The following NPFFR1 variants were observed in gnomAD, a reference collection of about 807,000 sequenced individuals.
NPFFR1 encodes the protein neuropeptide FF receptor 1.
A neutral mutation model predicts 12.7 loss-of-function variants in NPFFR1; 17 were observed. That is an observed-to-expected ratio of 1.34 (90% CI 0.92 to 2.01). The LOEUF (loss-of-function observed/expected upper bound fraction) is 2.01. NPFFR1 is among the 30% of genes most tolerant of loss of function. The probability of loss-of-function intolerance (pLI) is 0.00; values close to 1 mark genes in which losing one functional copy is unlikely to be tolerated. For synonymous variants in NPFFR1, 296 were observed against 264.5 expected, an observed-to-expected ratio of 1.12 and a Z score of -1.16; for missense variants, 604 against 606.5, an observed-to-expected ratio of 1.00 and a Z score of 0.04.
intron 1 of NPFFR1, among the ~76,000 whole-genome samples, chr10:70,272,150 A>C (rs1564596638): frequency 3.3e-5 from 1 of 30,096 alleles, no homozygotes; most frequent in Non-Finnish European, 6.1e-5. Flanking sequence ...AGAGAAAGGG[A>C]GAGAGAGAGA....
intron 1 of NPFFR1, among the ~76,000 whole-genome samples, chr10:70,275,920 A>G (rs761553019): frequency 1.3e-5 from 2 of 152,214 alleles, no homozygotes; most frequent in Non-Finnish European, 2.9e-5. Flanking sequence ...TACAGCATGC[A>G]GTAGTGGTAG....
intron 3 of NPFFR1, among the ~76,000 whole-genome samples, chr10:70,259,311 G>A (rs1018303887): frequency 1.3e-5 from 2 of 151,070 alleles, no homozygotes; most frequent in East Asian, 1.9e-4. Flanking sequence ...AAGAAAGAAA[G>A]AAAGAAAAAG....
chr10:70,277,937 A>G (rs777363203), intron 1 of NPFFR1: 2 of 519,640 alleles, frequency 3.8e-6, no homozygotes, highest in East Asian at 1.1e-4. Context: ...ATGTTGGGGA[A>G]GACTTCTGGG....
chr10:70,282,659 C>A (rs1048228873), intron 1 of NPFFR1, among the ~76,000 whole-genome samples: 1 of 152,198 alleles, frequency 6.6e-6, no homozygotes, highest in African/African-American at 2.4e-5. Flanking sequence ...TTTATCCTCA[C>A]AGACACTCTC....
At chr10:70,256,088 T>TC (rs1156445911) in intron 3 of NPFFR1, among the ~76,000 whole-genome samples, 62 of 126,596 alleles carry the variant, frequency 4.9e-4, no homozygotes, top group Admixed American at 6.6e-4. Context: ...TTTTTTTTTT[T>TC]CCTGAGACAG....
rs1422077899 is a variant in NPFFR1 at position 70,255,275 on chromosome 10, G to T, written c.975C>A (p.Asn325Lys). ...HWLAFFNSSA[N>K]PIIYGYFNEN... ...CGTTGAAGTAGCCGTAGATGATGGGGTTGGCGCTGCTGTTGAAGAAGGCCA... is the reference window on the plus strand; with the variant it reads ...CGTTGAAGTAGCCGTAGATGATGGGTTTGGCGCTGCTGTTGAAGAAGGCCA... Residue 325 changes from asparagine to lysine, a missense_variant, in exon 4 of 4, where the codon AAC becomes AAA. By Grantham distance (94) the Asn-to-Lys change is moderately conservative. Coordinates refer to ENST00000277942, the MANE Select transcript of NPFFR1 (RefSeq NM_022146.5). The surrounding 1 kb of genome is among the most constrained non-coding windows in gnomAD (Gnocchi z 4.2). The T allele has an allele frequency of 1.3e-6, 2 of 1,578,490 alleles. No homozygotes were observed. Among genetic ancestry groups the T allele is most frequent in the South Asian group, 1.1e-5 (1 of 86,984 alleles).
At chr10:70,274,100 G>C (rs1186708575) in intron 1 of NPFFR1, among the ~76,000 whole-genome samples, 1 of 152,198 alleles carries the variant, frequency 6.6e-6, no homozygotes, top group African/African-American at 2.4e-5. Flanking sequence ...ACTGACCTGG[G>C]AATCAGAAAG....
At chr10:70,260,601 T>C (rs1330405834) in intron 3 of NPFFR1, 39 bp downstream of exon 3, 1 of 1,530,122 alleles carries the variant, frequency 6.5e-7, no homozygotes, top group East Asian at 2.4e-5. Flanking sequence ...TGCCAGGCCC[T>C]AGTTGGCTCA....
intron 1 of NPFFR1, among the ~76,000 whole-genome samples, chr10:70,283,207 TTCTCTCTCTCTCTCACTC>T (rs1197323145): frequency 1.8e-5 from 2 of 112,626 alleles, no homozygotes. Context: ...CCCCAGGTCT[TTCTCTCTCTCTCTCACTC>T]TCTCTCTCTC....
rs369970357 is a variant in NPFFR1 at position 70,271,527 on chromosome 10, AAAT to A, written c.8-5139_8-5137del. Among the ~76,000 whole-genome samples, 639 of 152,250 alleles carry A rather than the reference AAAT, an allele frequency of 4.2e-3. 4 individuals carry two copies. Among genetic ancestry groups the A allele is most frequent in the African/African-American group, 0.015 (605 of 41,554 alleles). ...GACTCTTTCTCAAATAAAAAATAAA[AAAT>A]AATTAAAAAATAGAAAATAAAACAG... On this transcript the variant is annotated intron_variant, in intron 1 of 3. Transcript: ENST00000277942.
Position 70,255,386 on chromosome 10 carries a change from C to A in NPFFR1, c.864G>T (p.Ala288=), listed in dbSNP as rs777182156. ...GCCCGTAGTCGATGAGCAGCAGCAG[C>A]GCCCAGAGCGGCAGCCAGGACAGCG... The part of the protein sequence containing the change: ...FFTLSWLPLW[A]LLLLIDYGQL... Residue 288 remains alanine (A), a synonymous_variant, in exon 4 of 4, where the codon GCG becomes GCT. Coordinates refer to ENST00000277942, the MANE Select transcript of NPFFR1 (RefSeq NM_022146.5). The surrounding 1 kb of genome is among the most constrained non-coding windows in gnomAD (Gnocchi z 4.2). The A allele has an allele frequency of 7.7e-6, 12 of 1,548,620 alleles. No individual in the cohort carries two copies. Among genetic ancestry groups the A allele is most frequent in the Non-Finnish European group, 9.6e-6 (11 of 1,149,624 alleles).
rs1239622962 is a variant in NPFFR1, at chr10:70,253,116, G to A, written c.*1841C>T. On this transcript the variant is annotated 3_prime_UTR_variant, in exon 4 of 4. Coordinates refer to ENST00000277942, the MANE Select transcript of NPFFR1 (RefSeq NM_022146.5). Reference sequence around the variant, plus strand: ...ATGGCACCAGCTAATACCACTGAGGGGCAGGAGGGCATACTCTCTCTCAGA... The same window carrying A: ...ATGGCACCAGCTAATACCACTGAGGAGCAGGAGGGCATACTCTCTCTCAGA... The A allele has an allele frequency of 6.6e-6, 1 of 152,122 alleles. No individual in the cohort carries two copies. Among genetic ancestry groups the A allele is most frequent in the Non-Finnish European group, 1.5e-5 (1 of 68,094 alleles). 9.4% of individuals were successfully genotyped at this position (152,122 alleles called of 1,614,324 possible).
chr10:70,270,558 C>T (rs1175307602), intron 1 of NPFFR1, among the ~76,000 whole-genome samples: 1 of 152,212 alleles, frequency 6.6e-6, no homozygotes, highest in African/African-American at 2.4e-5. Flanking sequence ...CTGGGAGTGA[C>T]CCTGCCCATT....
chr10:70,283,153 T>TGC, intron 1 of NPFFR1, among the ~76,000 whole-genome samples: 1 of 151,778 alleles, frequency 6.6e-6, no homozygotes, highest in East Asian at 2.0e-4. Context: ...TGTGTGTGTG[T>TGC]CTTGTACATG....
rs1379112676 is a variant in NPFFR1 at position 70,249,807 on chromosome 10, T to G, written c.*5150A>C. ...CAAAATCATGTTTTTAAAAGAAAGATTTGAAGATACTTTACAATAAAAGAT... is the reference window on the plus strand; with the variant it reads ...CAAAATCATGTTTTTAAAAGAAAGAGTTGAAGATACTTTACAATAAAAGAT... On this transcript the variant is annotated 3_prime_UTR_variant, in exon 4 of 4. Transcript: ENST00000277942. 6.6e-6 allele frequency: 1 copy of G among 151,626 alleles called. No individual in the cohort carries two copies. The highest frequency in any genetic ancestry group is 1.5e-5 in the Non-Finnish European group (1 of 67,950). 9.4% of individuals were successfully genotyped at this position (151,626 alleles called of 1,614,324 possible). A position where few individuals can be genotyped will look rare whatever the true frequency, so the allele number is the denominator to read the frequency against.
chr10:70,273,452 T>C (rs1031261449), intron 1 of NPFFR1, among the ~76,000 whole-genome samples: 1 of 152,218 alleles, frequency 6.6e-6, no homozygotes, highest in Non-Finnish European at 1.5e-5. Flanking sequence ...CAATGGTTCC[T>C]GTCTGGAGGA....
Position 70,283,655 on chromosome 10 carries a change from C to A in NPFFR1, c.7+15G>T, listed in dbSNP as rs1589918387. On this transcript the variant is annotated intron_variant, in intron 1 of 3. Transcript: ENST00000277942. ...CCCTGCCCCACGGCTGGCCCCCAGCCCCAGGACCACTCACCCTCCATGATG... is the reference window on the plus strand; with the variant it reads ...CCCTGCCCCACGGCTGGCCCCCAGCACCAGGACCACTCACCCTCCATGATG... The A allele has an allele frequency of 3.3e-6, 5 of 1,535,268 alleles. No homozygotes were observed. The highest frequency in any genetic ancestry group is 4.4e-6 in the Non-Finnish European group (5 of 1,146,290).
intron 1 of NPFFR1, among the ~76,000 whole-genome samples, chr10:70,271,269 T>G (rs1366852428): frequency 6.6e-6 from 1 of 152,134 alleles, no homozygotes; most frequent in Non-Finnish European, 1.5e-5. Flanking sequence ...TCACAGTACT[T>G]TGGGAGGCCA....
In NPFFR1 at chr10:70,266,188, T is replaced by C. The variant is rs1287065455; in HGVS notation, c.211A>G (p.Asn71Asp). The change falls in exon 2 of 4, where the codon AAC (asparagine) becomes GAC (aspartate). Residue 71 changes from asparagine (N) to aspartate (D), a missense_variant. By Grantham distance (23) the Asn-to-Asp change is conservative. Transcript: ENST00000277942. The part of the protein sequence containing the change: ...NTLVCFIVLK[N>D]RHMHTVTNMF... Reference sequence around the variant, plus strand: ...TTGGTGACAGTATGCATGTGCCGGTTCTTGAGCACGATGAAACAGACCAGG... The same window carrying C: ...TTGGTGACAGTATGCATGTGCCGGTCCTTGAGCACGATGAAACAGACCAGG... The C allele has an allele frequency of 6.2e-7, 1 of 1,613,890 alleles. No homozygotes were observed. Among genetic ancestry groups the C allele is most frequent in the Non-Finnish European group, 8.5e-7 (1 of 1,179,902 alleles).
Sources: allele counts gnomAD v4.1 joint callset (sites outside exome capture counted in the v4.1 genomes callset), GRCh38; gene constraint gnomAD v4.1.1; non-coding constraint Gnocchi (gnomAD v3.1); transcripts MANE v1.5; gene names NCBI Gene and HGNC (gene_info 2026-07-23, HGNC 2026-07-21).